The following CYB5R4 variants were observed in gnomAD, a reference collection of about 807,000 sequenced individuals.
CYB5R4 encodes N-terminal cytochrome b5 and cytochrome b5 oxidoreductase domain-containing protein.
CYB5R4 carries 55 observed loss-of-function variants against 70.2 expected under a neutral mutation model. The ratio of observed to expected loss-of-function variants is 0.78; its 90% CI spans 0.63 to 0.98. CYB5R4 has a LOEUF of 0.98. Among genes scored for constraint, CYB5R4 ranks in the 50% least tolerant of loss-of-function variants. The pLI is 0.00. For missense variants in CYB5R4, 562 were observed against 612.6 expected (o/e 0.92, Z 0.87); for synonymous variants, 197 against 199.5 (o/e 0.99, Z 0.11).
intron 2 of CYB5R4, among the ~76,000 whole-genome samples, chr6:83,872,578 C>T (rs2099457802): frequency 6.6e-6 from 1 of 152,206 alleles, no homozygotes; most frequent in Admixed American, 6.5e-5. Context: ...CCTGCTTTCA[C>T]ATTATCTTTT....
intron 10 of CYB5R4, among the ~76,000 whole-genome samples, chr6:83,932,956 T>C (rs1184441766): frequency 4.6e-5 from 7 of 152,208 alleles, no homozygotes; most frequent in African/African-American, 1.7e-4. Flanking sequence ...TGTAAAGGTA[T>C]ATATTCCAAG....
intron 7 of CYB5R4, among the ~76,000 whole-genome samples, chr6:83,920,030 T>C (rs2099466126): frequency 6.6e-6 from 1 of 152,124 alleles, no homozygotes; most frequent in Admixed American, 6.6e-5. Flanking sequence ...TATAACCTGC[T>C]TCATGTAGAA....
chr6:83,950,393 C>T (rs1422219204), intron 14 of CYB5R4, among the ~76,000 whole-genome samples: 1 of 152,136 alleles, frequency 6.6e-6, no homozygotes, highest in Non-Finnish European at 1.5e-5. Flanking sequence ...CTAAATTCCA[C>T]TTATCCTTCT....
intron 4 of CYB5R4, chr6:83,910,371 G>C: frequency 2.0e-6 from 1 of 511,518 alleles, no homozygotes. Context: ...GAGGGAGGCT[G>C]GGAGTCATTC....
intron 2 of CYB5R4, among the ~76,000 whole-genome samples, chr6:83,881,281 C>T (rs1410179070): frequency 6.6e-6 from 1 of 151,948 alleles, no homozygotes; most frequent in Non-Finnish European, 1.5e-5. Context: ...CTCAAGTGAT[C>T]TTCCTGCCTC....
chr6:83,923,074 A>C (rs1489536728), intron 9 of CYB5R4, among the ~76,000 whole-genome samples: 1 of 137,210 alleles, frequency 7.3e-6, no homozygotes, highest in Non-Finnish European at 1.6e-5. Context: ...TCTCCTTTTT[A>C]TTCTTCATTC....
intron 15 of CYB5R4, 28 bp downstream of exon 15, chr6:83,955,490 C>T: frequency 6.3e-7 from 1 of 1,581,672 alleles, no homozygotes; most frequent in Non-Finnish European, 8.6e-7. Flanking sequence ...AGGAAACAGA[C>T]TGCCCAACAC....
intron 5 of CYB5R4, among the ~76,000 whole-genome samples, chr6:83,915,615 C>A (rs1292928726): frequency 1.3e-5 from 2 of 152,172 alleles, no homozygotes; most frequent in Non-Finnish European, 2.9e-5. Context: ...TGACTAATTT[C>A]TCAGTAAAAG....
At chr6:83,951,359 G>C (rs1354057446) in intron 14 of CYB5R4, among the ~76,000 whole-genome samples, 1 of 152,048 alleles carries the variant, frequency 6.6e-6, no homozygotes. Context: ...ATAGGTATAC[G>C]TGTACCATGG....
intron 2 of CYB5R4, among the ~76,000 whole-genome samples, chr6:83,886,022 G>T (rs893555809): frequency 6.6e-6 from 1 of 152,130 alleles, no homozygotes; most frequent in Admixed American, 6.5e-5. Context: ...ACCTGAAACT[G>T]GGAAATTCAT....
chr6:83,877,526 A>G (rs926011021), intron 2 of CYB5R4, among the ~76,000 whole-genome samples: 2 of 139,674 alleles, frequency 1.4e-5, no homozygotes, highest in Admixed American at 1.4e-4. Flanking sequence ...CAAAGATTAC[A>G]TGGTGAGAGA....
intron 10 of CYB5R4, among the ~76,000 whole-genome samples, chr6:83,927,628 T>C (rs2099467534): frequency 6.6e-6 from 1 of 152,222 alleles, no homozygotes; most frequent in African/African-American, 2.4e-5. Context: ...AGGGAAAATA[T>C]GTGAAAAGGG....
Position 83,907,560 on chromosome 6 carries a change from T to C in CYB5R4, c.331-1449T>C, listed in dbSNP as rs540926318. ...GTAAACTCATGTCATGAGGATTCAT[T>C]GTACAGATTATTTCATCATCCAGGT... On this transcript the variant is annotated intron_variant, in intron 3 of 15. Transcript: ENST00000369681. Among the ~76,000 whole-genome samples, 16 of 152,246 alleles carry C rather than the reference T, an allele frequency of 1.1e-4. No individual in the cohort carries two copies. The East Asian group carries it at 2.7e-3, about 26-fold the overall frequency.
intron 3 of CYB5R4, among the ~76,000 whole-genome samples, chr6:83,899,117 T>G (rs1452228051): frequency 6.6e-6 from 1 of 152,230 alleles, no homozygotes; most frequent in Non-Finnish European, 1.5e-5. Flanking sequence ...TAGATAGCTC[T>G]TACTGTTTTG....
chr6:83,934,064 C>CT, intron 10 of CYB5R4, among the ~76,000 whole-genome samples: 1 of 151,958 alleles, frequency 6.6e-6, no homozygotes, highest in Non-Finnish European at 1.5e-5. Context: ...GTTGTTAAGC[C>CT]TTAAAGGCTT....
chr6:83,910,148 T>G, intron 4 of CYB5R4: 2 of 1,594,778 alleles, frequency 1.3e-6, no homozygotes, highest in Non-Finnish European at 1.7e-6. Context: ...TTTCAAAGAT[T>G]TCTTTTACTG....
At chr6:83,947,471 C>T (rs1187286514) in intron 14 of CYB5R4, among the ~76,000 whole-genome samples, 1 of 152,124 alleles carries the variant, frequency 6.6e-6, no homozygotes, top group African/African-American at 2.4e-5. Flanking sequence ...TAGGCAGTAC[C>T]ATTCAGGACA....
intron 2 of CYB5R4, among the ~76,000 whole-genome samples, chr6:83,878,913 C>T (rs751671780): frequency 1.3e-5 from 2 of 152,036 alleles, no homozygotes; most frequent in African/African-American, 2.4e-5. Context: ...TTTTTTCCCC[C>T]ATTGTTCTTG....
intron 4 of CYB5R4, chr6:83,910,387 T>G: frequency 2.1e-6 from 1 of 468,846 alleles, no homozygotes; most frequent in Non-Finnish European, 3.9e-6. Context: ...CATTCTGAAG[T>G]GGGCTTTACT....
Sources: allele counts gnomAD v4.1 joint callset (sites outside exome capture counted in the v4.1 genomes callset), GRCh38; gene constraint gnomAD v4.1.1; transcripts MANE v1.5; gene names NCBI Gene and HGNC (gene_info 2026-07-23, HGNC 2026-07-21).